Variants in CSMD1 observed in about 807,000 individuals in gnomAD.
CSMD1 encodes CUB and Sushi multiple domains 1, also known as CUB and sushi domain-containing protein 1.
Under a neutral mutation model 417.5 loss-of-function variants are expected in CSMD1, and 213 were observed. That is an observed-to-expected ratio of 0.51 (90% confidence interval 0.46 to 0.57). The LOEUF (loss-of-function observed/expected upper bound fraction) is 0.57, where lower values mean the gene tolerates loss of function less well. Among genes scored for constraint, CSMD1 ranks in the 20% least tolerant of loss-of-function variants. The pLI is 0.00. For synonymous variants in CSMD1, 2,862 were observed against 1,736.8 expected (o/e 1.65, Z -16.11); for missense variants, 6,923 against 4,529.7 (o/e 1.53, Z -15.17).
intron 5 of CSMD1, among the ~76,000 whole-genome samples, chr8:3,812,351 T>C (rs1304553112): frequency 6.6e-6 from 1 of 152,174 alleles, no homozygotes; most frequent in East Asian, 1.9e-4. Context: ...TGACAATTTG[T>C]CCTCAGCCTC....
chr8:4,376,079 A>T (rs746101896), intron 3 of CSMD1, among the ~76,000 whole-genome samples: 2 of 152,220 alleles, frequency 1.3e-5, no homozygotes, highest in Non-Finnish European at 2.9e-5. Context: ...AATTTCCATA[A>T]TTTAATATAT....
chr8:4,788,329 C>T, intron 1 of CSMD1: 1 of 1,553,078 alleles, frequency 6.4e-7, no homozygotes, highest in Non-Finnish European at 8.8e-7. Context: ...CCAGTGATGT[C>T]TGGGAACACT....
At chr8:4,190,696 T>C (rs1798972931) in intron 3 of CSMD1, among the ~76,000 whole-genome samples, 2 of 152,110 alleles carry the variant, frequency 1.3e-5, no homozygotes. Flanking sequence ...TCATTATGAA[T>C]TAACAAACAT....
chr8:3,996,660 A>G (rs1563298813), intron 5 of CSMD1, among the ~76,000 whole-genome samples: 1 of 152,206 alleles, frequency 6.6e-6, no homozygotes, highest in Non-Finnish European at 1.5e-5. Flanking sequence ...CATTAAGCAG[A>G]TTGGTCCTGG....
intron 15 of CSMD1, among the ~76,000 whole-genome samples, chr8:3,402,997 A>T (rs1018368881): frequency 3.3e-5 from 5 of 152,178 alleles, no homozygotes; most frequent in Admixed American, 2.0e-4. Flanking sequence ...ATGGGATAGT[A>T]TAGGCATTAA....
At chr8:4,912,025 A>G (rs7459584) in intron 1 of CSMD1, among the ~76,000 whole-genome samples, 1 of 151,692 alleles carries the variant, frequency 6.6e-6, no homozygotes, top group Non-Finnish European at 1.5e-5. Context: ...TGTAACCTTT[A>G]TTAAAGGAAA....
At chr8:4,938,580 T>A (rs1337527294) in intron 1 of CSMD1, among the ~76,000 whole-genome samples, 1 of 152,184 alleles carries the variant, frequency 6.6e-6, no homozygotes, top group Non-Finnish European at 1.5e-5. Flanking sequence ...TTGTCAGTCT[T>A]ATCGGGAAAA....
chr8:4,874,136 A>C (rs1445556410), intron 1 of CSMD1, among the ~76,000 whole-genome samples: 1 of 152,076 alleles, frequency 6.6e-6, no homozygotes, highest in Non-Finnish European at 1.5e-5. Context: ...ACTGATAGAT[A>C]ACTTTATCTT....
intron 3 of CSMD1, among the ~76,000 whole-genome samples, chr8:4,409,827 T>C (rs528836528): frequency 6.6e-6 from 1 of 152,230 alleles, no homozygotes; most frequent in South Asian, 2.1e-4. Flanking sequence ...AGTTTGTTTG[T>C]CTTTGAGACA....
intron 3 of CSMD1, among the ~76,000 whole-genome samples, chr8:4,256,706 G>GT (rs1803480062): frequency 1.3e-5 from 2 of 149,824 alleles, no homozygotes; most frequent in Admixed American, 6.7e-5. Context: ...CGGGCGTGGT[G>GT]TGGGGGAAGG....
chr8:3,088,958 C>G (rs968354728), intron 48 of CSMD1, among the ~76,000 whole-genome samples: 1 of 152,034 alleles, frequency 6.6e-6, no homozygotes, highest in Admixed American at 6.6e-5. Context: ...GACCATGAGG[C>G]TCTAACTCTA....
chr8:4,114,748 T>C (rs558426482), intron 3 of CSMD1, among the ~76,000 whole-genome samples: 2 of 152,272 alleles, frequency 1.3e-5, no homozygotes, highest in South Asian at 2.1e-4. Context: ...CACTTTACAG[T>C]TGAGTTTCAA....
Position 2,965,845 on chromosome 8 carries a change from T to A in CSMD1, c.9210A>T (p.Glu3070Asp). The A allele has an allele frequency of 2.5e-6, 4 of 1,608,946 alleles. No homozygotes were observed. The highest frequency in any genetic ancestry group is 3.4e-6 in the Non-Finnish European group (4 of 1,177,520). The change falls in exon 59 of 70, where the codon GAA becomes GAT. Residue 3070 changes from glutamate (E) to aspartate (D), a missense_variant. Transcript: ENST00000635120. ...AGCGAATAGTGGCGGATGTGACTGCTTCCATGACATAGCCTGGGTTACACT... is the reference window on the plus strand; with the variant it reads ...AGCGAATAGTGGCGGATGTGACTGCATCCATGACATAGCCTGGGTTACACT... ...SYQCNPGYVMEAVTSATIRCT... is the reference protein window; with the variant it reads ...SYQCNPGYVMDAVTSATIRCT...
chr8:3,073,733 C>G (rs1265394321), intron 49 of CSMD1, among the ~76,000 whole-genome samples: 2 of 150,822 alleles, frequency 1.3e-5, no homozygotes, highest in Middle Eastern at 3.4e-3. Context: ...TTGAATAAAA[C>G]CAAAGAAAAA....
At chr8:3,820,995 C>A (rs1317925479) in intron 5 of CSMD1, among the ~76,000 whole-genome samples, 3 of 152,116 alleles carry the variant, frequency 2.0e-5, no homozygotes, top group African/African-American at 7.2e-5. Flanking sequence ...CGGTTCACTG[C>A]AACCTCCACA....
chr8:3,142,517 G>A lies in CSMD1; in HGVS notation c.6189C>T (p.His2063=). The A allele has an allele frequency of 6.2e-7, 1 of 1,613,988 alleles. No individual in the cohort carries two copies. The highest frequency in any genetic ancestry group is 8.5e-7 in the Non-Finnish European group (1 of 1,179,904). ...GGTTTTGCGAATGGTCACTATAAAA[G>A]TGGATGAGGGTTTCATGCGTTGTGC... ...LLSTTHETLI[H]FYSDHSQNRQ... Residue 2063 remains histidine, a synonymous_variant, in exon 41 of 70, where the codon CAC becomes CAT. Transcript: ENST00000635120.
intron 1 of CSMD1, among the ~76,000 whole-genome samples, chr8:4,841,911 CAAAAAAAAAAAA>C (rs397757527): frequency 1.1e-4 from 4 of 34,850 alleles, no homozygotes; most frequent in East Asian, 9.7e-4. Context: ...AACTCCGTCT[CAAAAAAAAAAAA>C]AAAAAAAAAA....
chr8:4,089,738 A>G (rs1800616613), intron 3 of CSMD1, among the ~76,000 whole-genome samples: 2 of 152,186 alleles, frequency 1.3e-5, no homozygotes, highest in South Asian at 2.1e-4. Context: ...TATTATTGAC[A>G]CAACATCATT....
At chr8:4,287,130 T>G (rs1343068301) in intron 3 of CSMD1, among the ~76,000 whole-genome samples, 2 of 152,236 alleles carry the variant, frequency 1.3e-5, no homozygotes. Flanking sequence ...CTTCAACACC[T>G]AGTCTGTTAA....
Sources: allele counts gnomAD v4.1 joint callset (sites outside exome capture counted in the v4.1 genomes callset), GRCh38; gene constraint gnomAD v4.1.1; transcripts MANE v1.5; gene names NCBI Gene and HGNC (gene_info 2026-07-23, HGNC 2026-07-21).